Variants in EEPD1 observed in about 807,000 individuals in gnomAD.
EEPD1 encodes endonuclease/exonuclease/phosphatase family domain-containing protein 1.
A neutral mutation model predicts 46.3 loss-of-function variants in EEPD1; 17 were observed. That is an observed-to-expected ratio of 0.37 (90% CI 0.25 to 0.55). EEPD1 has a LOEUF of 0.55. EEPD1 is among the 20% of genes least tolerant of loss of function. EEPD1 has a pLI of 0.83. For missense variants in EEPD1, 673 were observed against 745.6 expected (o/e 0.90, Z 1.13); for synonymous variants, 313 against 315.6 (o/e 0.99, Z 0.09).
At chr7:36,159,623 ACT>A (rs1784872514) in intron 2 of EEPD1, among the ~76,000 whole-genome samples, 1 of 151,950 alleles carries the variant, frequency 6.6e-6, no homozygotes, top group African/African-American at 2.4e-5. Flanking sequence ...GCTGCCTCTG[ACT>A]CCCAGCCCAC....
chr7:36,214,178 A>G (rs1785986864), intron 2 of EEPD1, among the ~76,000 whole-genome samples: 1 of 152,212 alleles, frequency 6.6e-6, no homozygotes, highest in East Asian at 1.9e-4. Context: ...TGTCCAGAGC[A>G]CAGGTGGGTT....
chr7:36,163,056 A>G (rs767155990), intron 2 of EEPD1, among the ~76,000 whole-genome samples: 4 of 152,294 alleles, frequency 2.6e-5, no homozygotes, highest in African/African-American at 9.6e-5. Flanking sequence ...GTTTAAAAAA[A>G]ACACTTCTCT....
chr7:36,171,126 C>A (rs1022486134), intron 2 of EEPD1, among the ~76,000 whole-genome samples: 1 of 152,130 alleles, frequency 6.6e-6, no homozygotes, highest in Non-Finnish European at 1.5e-5. Flanking sequence ...CCTCATTATG[C>A]GGCCAAGGCC....
At chr7:36,255,980 C>G (rs1018751075) in intron 3 of EEPD1, among the ~76,000 whole-genome samples, 2 of 152,214 alleles carry the variant, frequency 1.3e-5, no homozygotes, top group African/African-American at 4.8e-5. Context: ...AAATTTCCCT[C>G]TAAACACTGC....
At chr7:36,249,901 C>T (rs1278239212) in intron 3 of EEPD1, among the ~76,000 whole-genome samples, 2 of 152,136 alleles carry the variant, frequency 1.3e-5, no homozygotes, top group Non-Finnish European at 2.9e-5. Context: ...GGGAGGTCCT[C>T]ACCTAATGTT....
chr7:36,202,535 G>A (rs1459897968), intron 2 of EEPD1, among the ~76,000 whole-genome samples: 4 of 152,156 alleles, frequency 2.6e-5, no homozygotes, highest in African/African-American at 9.7e-5. Flanking sequence ...GGCTCTGCGA[G>A]GGTGTCCACA....
chr7:36,257,025 A>C (rs1367751365), intron 3 of EEPD1, among the ~76,000 whole-genome samples: 1 of 152,130 alleles, frequency 6.6e-6, no homozygotes, highest in East Asian at 1.9e-4. Flanking sequence ...GTGGTGATAA[A>C]ATCTCTCAGC....
chr7:36,195,280 C>T (rs868769608), intron 2 of EEPD1, among the ~76,000 whole-genome samples: 88 of 152,176 alleles, frequency 5.8e-4, no homozygotes, highest in African/African-American at 2.0e-3. Context: ...TGAGGCGACT[C>T]CTGCCTCCCT....
rs1365939259 is a variant in EEPD1 at position 36,166,976 on chromosome 7, G to A, written c.878+11774G>A. On this transcript the variant is annotated intron_variant, in intron 2 of 7. Transcript: ENST00000242108. ...GATTGTCTCACAGTTCTGGAGGCTG[G>A]GAGTTTGAGATCAAGACATTGGCCA... Among the ~76,000 whole-genome samples, 6 of 152,248 alleles carry A rather than the reference G, an allele frequency of 3.9e-5. No homozygotes were observed. The East Asian group carries it at 1.2e-3, about 29-fold the overall frequency.
intron 3 of EEPD1, among the ~76,000 whole-genome samples, chr7:36,243,041 G>C (rs1786582223): frequency 6.6e-6 from 1 of 152,166 alleles, no homozygotes; most frequent in Non-Finnish European, 1.5e-5. Flanking sequence ...AACAAGAAAA[G>C]TTATTTGTCA....
intron 2 of EEPD1, among the ~76,000 whole-genome samples, chr7:36,157,905 CT>C (rs1239480866): frequency 6.6e-6 from 1 of 151,906 alleles, no homozygotes; most frequent in Non-Finnish European, 1.5e-5. Flanking sequence ...AATCTCTCCC[CT>C]TCCAATTGTT....
chr7:36,175,800 C>G (rs1023860178), intron 2 of EEPD1, among the ~76,000 whole-genome samples: 1 of 152,122 alleles, frequency 6.6e-6, no homozygotes, highest in Non-Finnish European at 1.5e-5. Flanking sequence ...GTACAAGGAG[C>G]GGTGCCACCA....
intron 3 of EEPD1, among the ~76,000 whole-genome samples, chr7:36,279,085 AC>A (rs537143328): frequency 0.01 from 578 of 55,396 alleles, 4 homozygotes; most frequent in Non-Finnish European, 0.02. Context: ...AATTCCCACC[AC>A]CCCGACTCCC....
chr7:36,246,987 G>A (rs560123606), intron 3 of EEPD1, among the ~76,000 whole-genome samples: 5 of 152,032 alleles, frequency 3.3e-5, no homozygotes, highest in Non-Finnish European at 4.4e-5. Flanking sequence ...TTAGCCAGGC[G>A]TGGTGGCACA....
At chr7:36,270,704 T>C (rs1314080533) in intron 3 of EEPD1, among the ~76,000 whole-genome samples, 2 of 152,230 alleles carry the variant, frequency 1.3e-5, no homozygotes, top group African/African-American at 4.8e-5. Flanking sequence ...TCCAGTATCA[T>C]TGATGGGCAT....
intron 2 of EEPD1, among the ~76,000 whole-genome samples, chr7:36,231,441 A>C (rs1318811252): frequency 6.6e-6 from 1 of 152,164 alleles, no homozygotes; most frequent in Non-Finnish European, 1.5e-5. Context: ...TGCAGTTTTC[A>C]TCTGCTTGGG....
chr7:36,196,557 G>C (rs1004713844), intron 2 of EEPD1, among the ~76,000 whole-genome samples: 1 of 152,224 alleles, frequency 6.6e-6, no homozygotes, highest in African/African-American at 2.4e-5. Context: ...GATTGCAGGC[G>C]CGCGCCGCCA....
At chr7:36,278,825 T>C (rs1042341565) in intron 3 of EEPD1, among the ~76,000 whole-genome samples, 4 of 152,204 alleles carry the variant, frequency 2.6e-5, no homozygotes, top group African/African-American at 9.7e-5. Flanking sequence ...CAGGAGCATC[T>C]GGCCAGGGGG....
chr7:36,170,584 A>G (rs1365430001), intron 2 of EEPD1, among the ~76,000 whole-genome samples: 1 of 134,256 alleles, frequency 7.4e-6, no homozygotes, highest in Non-Finnish European at 1.6e-5. Context: ...TTTTTTTTTC[A>G]GAGCTCCCCT....
Sources: allele counts gnomAD v4.1 joint callset (sites outside exome capture counted in the v4.1 genomes callset), GRCh38; gene constraint gnomAD v4.1.1; transcripts MANE v1.5; gene names NCBI Gene and HGNC (gene_info 2026-07-23, HGNC 2026-07-21).